The following UNC80 variants were observed in gnomAD, a reference collection of about 807,000 sequenced individuals.
The protein encoded by UNC80 is protein unc-80 homolog.
UNC80 carries 164 observed loss-of-function variants against 384.6 expected under a neutral mutation model. That is an observed-to-expected ratio of 0.43 (90% CI 0.38 to 0.49). The LOEUF is 0.49. UNC80 is among the 20% of genes least tolerant of loss of function. The pLI is 0.00. For synonymous variants in UNC80, 1,486 were observed against 1,527.8 expected (o/e 0.97, Z 0.64); for missense variants, 3,330 against 4,143.0 (o/e 0.80, Z 5.39).
At chr2:209,816,845 T>G in intron 9 of UNC80, 64 bp from the exon 10 acceptor site, 1 of 1,477,110 alleles carries the variant, frequency 6.8e-7, no homozygotes, top group Non-Finnish European at 9.2e-7. Context: ...ATGGAGCCCC[T>G]TGGGAAGCAG....
At chr2:209,889,323 GC>G (rs2086117927) in intron 26 of UNC80, among the ~76,000 whole-genome samples, 1 of 152,060 alleles carries the variant, frequency 6.6e-6, no homozygotes. Flanking sequence ...ATTTCTTTTG[GC>G]CTGGCTAAGG....
chr2:209,954,752 A>G (rs1230928074), intron 48 of UNC80, among the ~76,000 whole-genome samples: 1 of 152,218 alleles, frequency 6.6e-6, no homozygotes, highest in Non-Finnish European at 1.5e-5. Flanking sequence ...TACATAACCA[A>G]TATAAACAGC....
intron 42 of UNC80, among the ~76,000 whole-genome samples, 194 bp downstream of exon 42, chr2:209,937,824 A>G (rs893726636): frequency 3.3e-5 from 5 of 152,224 alleles, no homozygotes; most frequent in Admixed American, 2.0e-4. Flanking sequence ...TAAAGGTAGT[A>G]AGAAACACTC....
chr2:209,808,690 A>G (rs898393968), intron 7 of UNC80: 4 of 104,212 alleles, frequency 3.8e-5, no homozygotes, highest in South Asian at 3.0e-4. Context: ...GCTCCCCTGG[A>G]GTACTTAAGG....
chr2:209,818,384 G>T (rs2153827667), intron 11 of UNC80, among the ~76,000 whole-genome samples: 1 of 151,706 alleles, frequency 6.6e-6, no homozygotes, highest in South Asian at 2.1e-4. Flanking sequence ...GTTCTTGTGT[G>T]TTTTGTGTGC....
intron 47 of UNC80, among the ~76,000 whole-genome samples, chr2:209,953,232 AC>A (rs1235034786): frequency 6.6e-6 from 1 of 152,024 alleles, no homozygotes; most frequent in Non-Finnish European, 1.5e-5. Context: ...AGCCTGGCCA[AC>A]ATAGTGAAAC....
At chr2:209,887,660 T>A (rs1460893227) in intron 25 of UNC80, among the ~76,000 whole-genome samples, 1 of 152,166 alleles carries the variant, frequency 6.6e-6, no homozygotes, top group Non-Finnish European at 1.5e-5. Flanking sequence ...TTGTTTGCCT[T>A]CTCAGTTTCT....
chr2:209,838,683 T>C (rs957077890), intron 18 of UNC80, among the ~76,000 whole-genome samples: 2 of 152,050 alleles, frequency 1.3e-5, no homozygotes, highest in African/African-American at 2.4e-5. Flanking sequence ...AAATATTGGC[T>C]GGGCACGGTG....
intron 61 of UNC80, among the ~76,000 whole-genome samples, chr2:209,990,316 C>T (rs2093369134): frequency 6.6e-6 from 1 of 152,146 alleles, no homozygotes; most frequent in African/African-American, 2.4e-5. Flanking sequence ...TTATTACCTG[C>T]TTCCTTTTAG....
intron 22 of UNC80, among the ~76,000 whole-genome samples, chr2:209,853,812 C>T (rs1338010594): frequency 6.6e-6 from 1 of 151,914 alleles, no homozygotes; most frequent in Non-Finnish European, 1.5e-5. Context: ...AATACCAATG[C>T]CAGTTTGCTT....
At chr2:209,890,358 A>G (rs2086217823) in intron 26 of UNC80, among the ~76,000 whole-genome samples, 1 of 152,306 alleles carries the variant, frequency 6.6e-6, no homozygotes, top group East Asian at 1.9e-4. Flanking sequence ...CTCTTCAGCA[A>G]TGTTGCTAAA....
chr2:209,964,092 C>G (rs1417755166), intron 51 of UNC80, among the ~76,000 whole-genome samples: 1 of 152,188 alleles, frequency 6.6e-6, no homozygotes, highest in Non-Finnish European at 1.5e-5. Flanking sequence ...CTGAGGAGCT[C>G]TTACCCTCTA....
intron 17 of UNC80, among the ~76,000 whole-genome samples, chr2:209,834,418 C>T (rs2081204650): frequency 6.6e-6 from 1 of 152,172 alleles, no homozygotes; most frequent in East Asian, 1.9e-4. Flanking sequence ...TTGAACTACA[C>T]GTCATAGCTC....
intron 59 of UNC80, 93 bp from the exon 60 acceptor site, chr2:209,982,086 C>A: frequency 7.5e-7 from 1 of 1,329,144 alleles, no homozygotes; most frequent in Non-Finnish European, 1.0e-6. Flanking sequence ...AAGTTGTACA[C>A]AAGCCAAGGA....
At chr2:209,965,631 C>T (rs1479854091) in intron 51 of UNC80, among the ~76,000 whole-genome samples, 3 of 151,950 alleles carry the variant, frequency 2.0e-5, no homozygotes, top group Non-Finnish European at 4.4e-5. Context: ...CCATCTTGGC[C>T]AGGCTGGTCT....
At chr2:209,821,309 A>G (rs951330194) in intron 13 of UNC80, among the ~76,000 whole-genome samples, 2 of 152,126 alleles carry the variant, frequency 1.3e-5, no homozygotes, top group Non-Finnish European at 1.5e-5. Context: ...AGGCCCCACC[A>G]TCATGACCTC....
chr2:209,973,347 T>G (rs2092931126), intron 56 of UNC80, 77 bp downstream of exon 56: 1 of 1,262,754 alleles, frequency 7.9e-7, no homozygotes, highest in African/African-American at 1.5e-5. Flanking sequence ...TGTAGATAGA[T>G]AGATAAATAA....
In UNC80 at chr2:209,922,392, T is replaced by G; in HGVS notation, c.5662+9T>G. ...AGCCGTCAGTGCTGAAGGTGTGTCC[T>G]CTTGCATACGTTTTATTTCTCCTGA... On this transcript the variant is annotated intron_variant, in intron 35 of 64. Transcript: ENST00000673920. The G allele has an allele frequency of 6.4e-7, 1 of 1,550,614 alleles. No homozygotes were observed. Among genetic ancestry groups the G allele is most frequent in the African/African-American group, 1.4e-5 (1 of 73,148 alleles).
chr2:209,959,154 G>A lies in UNC80; in HGVS notation c.7586G>A (p.Arg2529Lys). ...QEQGAKLHFI[R>K]ENLHLLEEGQ... ...CAAGGAGCCAAACTGCACTTTATCA[G>A]GTACAGAAAGACTTGCTCTAATTTC... The change falls in exon 50 of 65, where the codon AGG becomes AAG. Residue 2529 changes from arginine (R) to lysine (K), a missense_variant and splice_region_variant. Transcript: ENST00000673920. The A allele has an allele frequency of 6.4e-7, 1 of 1,552,008 alleles. No individual in the cohort carries two copies. Among genetic ancestry groups the A allele is most frequent in the Non-Finnish European group, 8.7e-7 (1 of 1,146,970 alleles).
Sources: allele counts gnomAD v4.1 joint callset (sites outside exome capture counted in the v4.1 genomes callset), GRCh38; gene constraint gnomAD v4.1.1; transcripts MANE v1.5; gene names NCBI Gene and HGNC (gene_info 2026-07-23, HGNC 2026-07-21).